Variants in EFCAB6 observed in about 807,000 individuals in gnomAD.
The protein encoded by EFCAB6 is EF-hand calcium-binding domain-containing protein 6.
EFCAB6 carries 156 observed loss-of-function variants against 169.8 expected under a neutral mutation model. The observed-to-expected ratio is 0.92, with a 90% CI of 0.81 to 1.05. EFCAB6 has a LOEUF of 1.05. Ranked by LOEUF, EFCAB6 falls within the 50% of genes least tolerant of loss-of-function variation. The pLI, the probability that EFCAB6 is intolerant of heterozygous loss-of-function variation, is 0.00. For missense variants in EFCAB6, 1,800 were observed against 1,829.1 expected (o/e 0.98, Z 0.29); for synonymous variants, 698 against 676.4 (o/e 1.03, Z -0.50).
chr22:43,651,717 G>A (rs1412599968), intron 17 of EFCAB6, among the ~76,000 whole-genome samples: 3 of 152,230 alleles, frequency 2.0e-5, no homozygotes, highest in African/African-American at 4.8e-5. Flanking sequence ...AAAGCCACAG[G>A]GGCGGAGCTG....
chr22:43,767,513 C>A (rs5764280), intron 4 of EFCAB6, among the ~76,000 whole-genome samples: 41,589 of 152,112 alleles, frequency 0.27, 6,788 homozygotes, highest in East Asian at 0.62. Context: ...AAGAAACTTA[C>A]ATTTGCAGAG....
intron 26 of EFCAB6, among the ~76,000 whole-genome samples, chr22:43,561,491 C>T (rs1027066310): frequency 3.3e-5 from 5 of 152,060 alleles, no homozygotes; most frequent in Non-Finnish European, 7.4e-5. Context: ...GAGGAACCAC[C>T]GACCTGGGGT....
chr22:43,605,625 AGAGT>A (rs1360759396), intron 22 of EFCAB6, among the ~76,000 whole-genome samples: 1 of 152,104 alleles, frequency 6.6e-6, no homozygotes, highest in Admixed American at 6.5e-5. Flanking sequence ...GCCCAGTGAC[AGAGT>A]GAGACTCTGT....
intron 5 of EFCAB6, among the ~76,000 whole-genome samples, chr22:43,763,716 G>A (rs371536922): frequency 2.0e-5 from 3 of 151,636 alleles, no homozygotes; most frequent in South Asian, 2.1e-4. Context: ...ATTGGCTTTT[G>A]TGGGTTTTTT....
chr22:43,611,618 G>A (rs935967428), intron 21 of EFCAB6, among the ~76,000 whole-genome samples: 7 of 152,006 alleles, frequency 4.6e-5, no homozygotes, highest in African/African-American at 9.7e-5. Flanking sequence ...GAAACATGGC[G>A]AAACCCTATC....
At chr22:43,742,759 G>A (rs544946858) in intron 6 of EFCAB6, among the ~76,000 whole-genome samples, 4 of 152,366 alleles carry the variant, frequency 2.6e-5, no homozygotes, top group Admixed American at 2.0e-4. Context: ...TGCGTGAGCA[G>A]GTGCTGCCCT....
chr22:43,559,526 G>A (rs554291793), intron 26 of EFCAB6, among the ~76,000 whole-genome samples: 1 of 152,280 alleles, frequency 6.6e-6, no homozygotes, highest in African/African-American at 2.4e-5. Flanking sequence ...ATACCCAAAG[G>A]ATTATAAATG....
intron 4 of EFCAB6, among the ~76,000 whole-genome samples, chr22:43,772,667 G>T (rs959685092): frequency 6.7e-6 from 1 of 149,430 alleles, no homozygotes; most frequent in African/African-American, 2.5e-5. Flanking sequence ...AAGAAAGAAA[G>T]AAATGAAAAG....
At chr22:43,748,927 T>C (rs938684709) in intron 6 of EFCAB6, among the ~76,000 whole-genome samples, 21 of 152,158 alleles carry the variant, frequency 1.4e-4, no homozygotes, top group African/African-American at 5.1e-4. Flanking sequence ...CTCTGGCTTA[T>C]GTTTTGAACG....
intron 6 of EFCAB6, among the ~76,000 whole-genome samples, chr22:43,741,372 C>G (rs1008853596): frequency 6.6e-6 from 1 of 152,196 alleles, no homozygotes; most frequent in Non-Finnish European, 1.5e-5. Context: ...CCTCTTCCTT[C>G]TTCCTTACAT....
intron 20 of EFCAB6, among the ~76,000 whole-genome samples, chr22:43,617,527 A>G (rs922008753): frequency 1.3e-5 from 2 of 152,190 alleles, no homozygotes; most frequent in South Asian, 2.1e-4. Context: ...TTTTCCATCC[A>G]TTTTCCCCTT....
intron 8 of EFCAB6, among the ~76,000 whole-genome samples, chr22:43,725,353 C>A (rs962076916): frequency 6.6e-6 from 1 of 152,140 alleles, no homozygotes; most frequent in Non-Finnish European, 1.5e-5. Flanking sequence ...GTTAGTCAGG[C>A]TGGTCTTGAA....
chr22:43,799,888 C>T (rs2062642668), intron 2 of EFCAB6, among the ~76,000 whole-genome samples: 1 of 152,142 alleles, frequency 6.6e-6, no homozygotes, highest in South Asian at 2.1e-4. Context: ...AAATTTTCCC[C>T]CAATTCACTG....
At chr22:43,679,403 G>A (rs554636712) in intron 12 of EFCAB6, among the ~76,000 whole-genome samples, 1 of 152,222 alleles carries the variant, frequency 6.6e-6, no homozygotes, top group Admixed American at 6.5e-5. Flanking sequence ...GTGGACATTT[G>A]GATTGTTTCC....
chr22:43,759,302 C>A (rs2061069621), intron 5 of EFCAB6: 1 of 152,230 alleles, frequency 6.6e-6, no homozygotes, highest in Non-Finnish European at 1.5e-5. Flanking sequence ...CAACAGAATT[C>A]TCAGGTTCTT....
At chr22:43,690,883 C>T (rs958922736) in intron 10 of EFCAB6, among the ~76,000 whole-genome samples, 4 of 151,936 alleles carry the variant, frequency 2.6e-5, no homozygotes, top group African/African-American at 9.7e-5. Context: ...AGGAAGCCTT[C>T]CCTAATTTCC....
At chr22:43,584,645 C>T (rs1487124141) in intron 24 of EFCAB6, among the ~76,000 whole-genome samples, 1 of 152,124 alleles carries the variant, frequency 6.6e-6, no homozygotes, top group Non-Finnish European at 1.5e-5. Flanking sequence ...GAAGGGCAAT[C>T]AGCCAACTCC....
At chr22:43,802,771 CA>C in intron 2 of EFCAB6, 1 of 509,752 alleles carries the variant, frequency 2.0e-6, no homozygotes. Flanking sequence ...TTGGAGATGC[CA>C]AGTGAAGTGT....
At chr22:43,670,606 T>A (rs567114810) in intron 15 of EFCAB6, among the ~76,000 whole-genome samples, 1 of 152,244 alleles carries the variant, frequency 6.6e-6, no homozygotes, top group Admixed American at 6.5e-5. Context: ...TCTGAAGCCA[T>A]ACTTTGCTCA....
Sources: allele counts gnomAD v4.1 joint callset (sites outside exome capture counted in the v4.1 genomes callset), GRCh38; gene constraint gnomAD v4.1.1; transcripts MANE v1.5; gene names NCBI Gene and HGNC (gene_info 2026-07-23, HGNC 2026-07-21).